Variants in CABLES1 observed in about 807,000 individuals in gnomAD.
CABLES1 encodes the protein CDK5 and ABL1 enzyme substrate 1.
A neutral mutation model predicts 57.8 loss-of-function variants in CABLES1; 36 were observed. The observed-to-expected ratio is 0.62, with a 90% confidence interval of 0.48 to 0.82. CABLES1 has a LOEUF of 0.82. Ranked by LOEUF, CABLES1 falls within the 40% of genes least tolerant of loss-of-function variation. The probability of loss-of-function intolerance (pLI) is 0.00; values close to 1 mark genes in which losing one functional copy is unlikely to be tolerated. For synonymous variants in CABLES1, 374 were observed against 363.0 expected (o/e 1.03, Z -0.35); for missense variants, 767 against 836.6 (o/e 0.92, Z 1.03).
rs890782383 is a variant in CABLES1, at chr18:23,214,195, A to T, written c.1088+141A>T. The stretch of plus-strand genomic sequence containing the variant: ...TTCAGTATTTGTACACTGGAATGAT[A>T]AAAAGATGTTCCACTTTCTTTTCAG... On this transcript the variant is annotated intron_variant, in intron 4 of 9. Transcript: ENST00000256925. 8.5e-6 allele frequency: 5 copies of T among 589,026 alleles called. No individual in the cohort carries two copies. The African/African-American group carries it at 9.4e-5, about 11-fold the overall frequency. 36.5% of individuals were successfully genotyped at this position (589,026 alleles called of 1,614,324 possible). A position where few individuals can be genotyped will look rare whatever the true frequency, so the allele number is the denominator to read the frequency against.
In CABLES1 at chr18:23,253,786, G is replaced by C. The variant is rs1161726388; in HGVS notation, c.1611G>C (p.Thr537=). ...AGGACTGTGGCCTTGAGGAGCCCACGGTGGCCATGGCCTTCGTCTACTTTG... is the reference window on the plus strand; with the variant it reads ...AGGACTGTGGCCTTGAGGAGCCCACCGTGGCCATGGCCTTCGTCTACTTTG... ...AQEDCGLEEP[T]VAMAFVYFEK... The change falls in exon 9 of 10, where the codon ACG becomes ACC. Residue 537 remains threonine, a synonymous_variant. Coordinates refer to ENST00000256925, the MANE Select transcript of CABLES1 (RefSeq NM_001100619.3). 1 of 1,614,194 alleles carries C rather than the reference G, an allele frequency of 6.2e-7. No homozygotes were observed. Among genetic ancestry groups the C allele is most frequent in the Non-Finnish European group, 8.5e-7 (1 of 1,180,020 alleles).
At chr18:23,192,542 C>A (rs766223741) in intron 2 of CABLES1, among the ~76,000 whole-genome samples, 1 of 152,208 alleles carries the variant, frequency 6.6e-6, no homozygotes, top group African/African-American at 2.4e-5. Context: ...GTGGCAGGAT[C>A]TGCGAGCCGC....
intron 2 of CABLES1, among the ~76,000 whole-genome samples, chr18:23,191,557 A>G (rs893752071): frequency 9.2e-5 from 14 of 152,208 alleles, no homozygotes; most frequent in African/African-American, 3.1e-4. Context: ...GTGGAAGGCT[A>G]TTAGCCCAAC....
In CABLES1 at chr18:23,257,448, A is replaced by G; in HGVS notation, c.*81A>G. 1 of 1,429,134 alleles carries G rather than the reference A, an allele frequency of 7.0e-7. No homozygotes were observed. The highest frequency in any genetic ancestry group is 9.4e-7 in the Non-Finnish European group (1 of 1,067,298). 88.5% of individuals were successfully genotyped at this position (1,429,134 alleles called of 1,614,324 possible). Reference sequence around the variant, plus strand: ...TTACTTACTACTGGAAATGAAAAAAAGTAGAACTCAGAATACCAGACTTTT... The same window carrying G: ...TTACTTACTACTGGAAATGAAAAAAGGTAGAACTCAGAATACCAGACTTTT... On this transcript the variant is annotated 3_prime_UTR_variant, in exon 10 of 10. Coordinates refer to ENST00000256925, the MANE Select transcript of CABLES1 (RefSeq NM_001100619.3).
chr18:23,164,479 TA>T (rs1376720750), intron 1 of CABLES1, among the ~76,000 whole-genome samples: 2 of 152,084 alleles, frequency 1.3e-5, no homozygotes, highest in Non-Finnish European at 2.9e-5. Context: ...GGGCCCATGT[TA>T]TCAGTTACAC....
intron 2 of CABLES1, among the ~76,000 whole-genome samples, chr18:23,190,730 AAG>A (rs1484221002): frequency 2.0e-5 from 3 of 152,194 alleles, no homozygotes; most frequent in African/African-American, 7.2e-5. Context: ...CAGAAATCAG[AAG>A]AGTTTTAGAA....
chr18:23,156,623 A>G (rs2046967917), intron 1 of CABLES1, among the ~76,000 whole-genome samples: 1 of 152,242 alleles, frequency 6.6e-6, no homozygotes, highest in South Asian at 2.1e-4. Context: ...ATACATGGGT[A>G]GCTATGTTCC....
chr18:23,156,583 G>A (rs2046967648), intron 1 of CABLES1, among the ~76,000 whole-genome samples: 1 of 152,178 alleles, frequency 6.6e-6, no homozygotes, highest in South Asian at 2.1e-4. Context: ...CACTGAATTA[G>A]GAAATACTGA....
chr18:23,217,909 CCACA>C (rs2047454001), intron 4 of CABLES1, among the ~76,000 whole-genome samples: 1 of 152,244 alleles, frequency 6.6e-6, no homozygotes, highest in Admixed American at 6.5e-5. Context: ...ACCCACAGCC[CCACA>C]CCTGGCAGAG....
chr18:23,150,205 T>TTG (rs1249081875), intron 1 of CABLES1, among the ~76,000 whole-genome samples: 23 of 88,842 alleles, frequency 2.6e-4, no homozygotes, highest in Non-Finnish European at 5.1e-4. Flanking sequence ...TAGTTGGTGT[T>TTG]TGTTTTTTTT....
At chr18:23,181,810 A>G (rs1303461723) in intron 1 of CABLES1, among the ~76,000 whole-genome samples, 1 of 152,210 alleles carries the variant, frequency 6.6e-6, no homozygotes, top group African/African-American at 2.4e-5. Context: ...TAAGTACCAA[A>G]GCAAATAATG....
chr18:23,139,403 CAAAA>C (rs61297552), intron 1 of CABLES1, among the ~76,000 whole-genome samples: 7 of 111,140 alleles, frequency 6.3e-5, no homozygotes, highest in African/African-American at 1.5e-4. Context: ...AACTCCATCT[CAAAA>C]AAAAAAAAAA....
chr18:23,232,579 T>C (rs1436987929), intron 4 of CABLES1, among the ~76,000 whole-genome samples: 1 of 152,244 alleles, frequency 6.6e-6, no homozygotes, highest in Admixed American at 6.5e-5. Context: ...GGTGCCTGCA[T>C]AGCAGCTGCA....
At chr18:23,168,651 G>A (rs1228551647) in intron 1 of CABLES1, among the ~76,000 whole-genome samples, 1 of 152,134 alleles carries the variant, frequency 6.6e-6, no homozygotes, top group East Asian at 1.9e-4. Flanking sequence ...ACAAAAACAG[G>A]GCATGGAGCA....
At chr18:23,193,400 C>T (rs1389377402) in intron 2 of CABLES1, among the ~76,000 whole-genome samples, 1 of 152,144 alleles carries the variant, frequency 6.6e-6, no homozygotes, top group African/African-American at 2.4e-5. Context: ...CCATATTGGC[C>T]AGGCTGGTCT....
chr18:23,236,102 T>G, intron 6 of CABLES1, 51 bp downstream of exon 6: 1 of 1,582,970 alleles, frequency 6.3e-7, no homozygotes, highest in Non-Finnish European at 8.6e-7. Context: ...GGGAGGTGCC[T>G]CCATTTACAT....
At chr18:23,231,923 G>A (rs564291508) in intron 4 of CABLES1, among the ~76,000 whole-genome samples, 1 of 152,300 alleles carries the variant, frequency 6.6e-6, no homozygotes, top group African/African-American at 2.4e-5. Context: ...GCTGCCCCGG[G>A]GAAGCAGTGA....
At chr18:23,210,023 T>C (rs1193744082) in intron 3 of CABLES1, among the ~76,000 whole-genome samples, 1 of 152,190 alleles carries the variant, frequency 6.6e-6, no homozygotes, top group East Asian at 1.9e-4. Context: ...AATGAGGCTG[T>C]GTGAAAAAGA....
At chr18:23,177,399 C>T (rs564751714) in intron 1 of CABLES1, among the ~76,000 whole-genome samples, 1 of 146,186 alleles carries the variant, frequency 6.8e-6, no homozygotes, top group African/African-American at 2.6e-5. Context: ...CTGAAAGGTG[C>T]TATGTGTGAG....
Sources: gnomAD v4.1 joint callset for allele counts (sites outside exome capture counted in the v4.1 genomes callset) on GRCh38, gnomAD v4.1.1 for gene constraint, MANE v1.5 for transcripts, NCBI Gene and HGNC (gene_info 2026-07-23, HGNC 2026-07-21) for gene names.